Variants in NF1 observed in about 807,000 individuals in gnomAD.
NF1 encodes the protein neurofibromin 1, also known as neurofibromin.
NF1 carries 122 observed loss-of-function variants against 325.7 expected under a neutral mutation model. The observed-to-expected ratio is 0.37, with a 90% confidence interval of 0.32 to 0.44. NF1 has a LOEUF of 0.44. NF1 is among the 20% of genes least tolerant of loss of function. The probability of loss-of-function intolerance (pLI) is 1.00; values close to 1 mark genes in which losing one functional copy is unlikely to be tolerated. For synonymous variants in NF1, 1,091 were observed against 1,186.0 expected (o/e 0.92, Z 1.65); for missense variants, 2,140 against 3,415.4 (o/e 0.63, Z 9.31).
At position 31,229,621 on chromosome 17, in the gene NF1, C is replaced by G. The variant is rs17883181; in HGVS notation, c.2850+156C>G. On this transcript the variant is annotated intron_variant, in intron 21 of 57. Transcript: ENST00000358273. ...AGAGTCATCTCAATGTAGGGGTCAG[C>G]TTGCCTCTTAGGAACTCTGGTGTGT... The G allele has an allele frequency of 3.0e-4, 310 of 1,037,368 alleles. No individual in the cohort carries two copies. In the African/African-American group the frequency reaches 4.0e-3, roughly 13 times the overall value. 64.3% of individuals were successfully genotyped at this position (1,037,368 alleles called of 1,614,324 possible).
At position 31,229,222 on chromosome 17, in the gene NF1, A is replaced by C; in HGVS notation, c.2607A>C (p.Pro869=). 1.2e-6 allele frequency: 2 copies of C among 1,612,182 alleles called. No individual in the cohort carries two copies. Among genetic ancestry groups the C allele is most frequent in the Non-Finnish European group, 1.7e-6 (2 of 1,179,834 alleles). Residue 869 remains proline (P), a synonymous_variant, in exon 21 of 58, where the codon CCA becomes CCC. Transcript: ENST00000358273. Reference sequence around the variant, plus strand: ...CAACCTATAGCCCACCCATGGGTCCAGTCAGTGAACGTAAGGGTTCTATGA... The same window carrying C: ...CAACCTATAGCCCACCCATGGGTCCCGTCAGTGAACGTAAGGGTTCTATGA... ...GLATYSPPMG[P]VSERKGSMIS...
At chr17:31,130,650 A>T (rs1233935089) in intron 1 of NF1, among the ~76,000 whole-genome samples, 8 of 151,864 alleles carry the variant, frequency 5.3e-5, no homozygotes, top group Non-Finnish European at 7.4e-5. Flanking sequence ...GCTGGTGGGG[A>T]TGGCACTGGT....
chr17:31,136,739 A>G (rs1915815003), intron 1 of NF1: 1 of 152,152 alleles, frequency 6.6e-6, no homozygotes, highest in Non-Finnish European at 1.5e-5. Flanking sequence ...TATTGTTATA[A>G]TTGTTCTTTT....
chr17:31,325,117 T>G (rs1035297993), intron 36 of NF1, among the ~76,000 whole-genome samples: 1 of 152,146 alleles, frequency 6.6e-6, no homozygotes, highest in Admixed American at 6.5e-5. Flanking sequence ...AAAATGGTAT[T>G]TATTGGCTTA....
chr17:31,096,026 TC>T (rs1248312098), intron 1 of NF1, among the ~76,000 whole-genome samples: 1 of 151,114 alleles, frequency 6.6e-6, no homozygotes, highest in Non-Finnish European at 1.5e-5. Context: ...TACAACGTCG[TC>T]CCCCATATCC....
intron 13 of NF1, among the ~76,000 whole-genome samples, chr17:31,217,119 C>T (rs1263524885): frequency 6.6e-6 from 1 of 152,022 alleles, no homozygotes; most frequent in Non-Finnish European, 1.5e-5. Flanking sequence ...TTCTCTTTTT[C>T]ATTGTTGTGT....
intron 30 of NF1, chr17:31,251,841 T>C (rs1020905347): frequency 4.7e-6 from 1 of 214,778 alleles, no homozygotes; most frequent in Non-Finnish European, 9.4e-6. Flanking sequence ...AGTAACTCTT[T>C]GGATGGATGA....
intron 39 of NF1, chr17:31,330,858 T>C (rs1007818374): frequency 5.0e-6 from 1 of 198,412 alleles, no homozygotes; most frequent in African/African-American, 2.4e-5. Context: ...TCCTTAATTT[T>C]AGAGAACTAG....
intron 25 of NF1, 133 bp downstream of exon 25, chr17:31,232,322 A>ATCAC: frequency 4.4e-6 from 3 of 677,604 alleles, no homozygotes; most frequent in Non-Finnish European, 7.8e-6. Flanking sequence ...TTTTTTAAAG[A>ATCAC]AAGTAATATG....
At chr17:31,210,627 A>T (rs2066713372) in intron 12 of NF1, among the ~76,000 whole-genome samples, 1 of 152,076 alleles carries the variant, frequency 6.6e-6, no homozygotes, top group Non-Finnish European at 1.5e-5. Context: ...CCTGTTTCTG[A>T]TTTGCTTCTC....
chr17:31,160,327 A>T (rs1203045817), intron 3 of NF1, among the ~76,000 whole-genome samples: 1 of 152,144 alleles, frequency 6.6e-6, no homozygotes, highest in African/African-American at 2.4e-5. Context: ...TCCTCAAGTG[A>T]TCCGCCCATT....
At chr17:31,131,935 G>A (rs181200911) in intron 1 of NF1, among the ~76,000 whole-genome samples, 4 of 150,056 alleles carry the variant, frequency 2.7e-5, no homozygotes, top group South Asian at 2.1e-4. Context: ...TGTGTATTTC[G>A]TTTTTATTTT....
Position 31,375,450 on chromosome 17 carries a change from T to C in NF1, c.*1295T>C, listed in dbSNP as rs2070718441. ...ATGGATTATCATGGCATTGGAATTT[T>C]CATAGTAATGCAGATCCAATTTCTT... On this transcript the variant is annotated 3_prime_UTR_variant, in exon 58 of 58. Transcript: ENST00000358273. 8.6e-6 allele frequency: 2 copies of C among 231,844 alleles called. No individual in the cohort carries two copies. The highest frequency in any genetic ancestry group is 2.2e-5 in the African/African-American group (1 of 45,272). 14.4% of individuals were successfully genotyped at this position (231,844 alleles called of 1,614,324 possible).
chr17:31,291,362 A>G (rs929326997), intron 36 of NF1, among the ~76,000 whole-genome samples: 1 of 152,176 alleles, frequency 6.6e-6, no homozygotes, highest in Non-Finnish European at 1.5e-5. Flanking sequence ...TTGATGCTGC[A>G]TATTTCATGT....
Position 31,318,130 on chromosome 17 carries a change from C to G in NF1, c.4836-7690C>G, listed in dbSNP as rs191395453. 113 of 717,152 alleles carry G rather than the reference C, an allele frequency of 1.6e-4. 3 individuals carry two copies. The Admixed American group carries it at 3.8e-3, about 24-fold the overall frequency. The allele number at this position is 717,152 out of a possible 1,614,324, so 44.4% of individuals were successfully genotyped here. A position where few individuals can be genotyped will look rare whatever the true frequency, so the allele number is the denominator to read the frequency against. On this transcript the variant is annotated intron_variant, in intron 36 of 57. Transcript: ENST00000358273. Reference sequence around the variant, plus strand: ...TATTCAGTGTCAAAACAAAAGTACACAGTTTAAATAATTAAGCAGGCATAC... The same window carrying G: ...TATTCAGTGTCAAAACAAAAGTACAGAGTTTAAATAATTAAGCAGGCATAC...
At chr17:31,142,843 G>A (rs1201525489) in intron 1 of NF1, among the ~76,000 whole-genome samples, 2 of 151,150 alleles carry the variant, frequency 1.3e-5, no homozygotes, top group African/African-American at 4.9e-5. Context: ...CTCCAGCCTG[G>A]GCGATAGAGC....
In NF1 at chr17:31,243,593, C is replaced by T. The variant is rs528769444; in HGVS notation, c.3975-5391C>T. Among the ~76,000 whole-genome samples, 6 of 151,678 alleles carry T rather than the reference C, an allele frequency of 4.0e-5. No individual in the cohort carries two copies. In the South Asian group the frequency reaches 1.0e-3, roughly 26 times the overall value. On this transcript the variant is annotated intron_variant, in intron 29 of 57. Transcript: ENST00000358273. Reference sequence around the variant, plus strand: ...AGGAGTCTTTTCCCATGGCCGCCATCGCCCCAGGCCCATGGTGAGTGCTGC... The same window carrying T: ...AGGAGTCTTTTCCCATGGCCGCCATTGCCCCAGGCCCATGGTGAGTGCTGC...
rs772484540 is a variant in NF1 at position 31,352,432 on chromosome 17, A to T, written c.7615+18A>T. The T allele has an allele frequency of 6.4e-7, 1 of 1,555,146 alleles. No individual in the cohort carries two copies. Among genetic ancestry groups the T allele is most frequent in the Admixed American group, 1.9e-5 (1 of 51,782 alleles). On this transcript the variant is annotated intron_variant, in intron 51 of 57. Transcript: ENST00000358273. Reference sequence around the variant, plus strand: ...GTTGCTTGGTTAGTTTATCTAAATTATGTAGATTTTTTTTATTATTTAAAA... The same window carrying T: ...GTTGCTTGGTTAGTTTATCTAAATTTTGTAGATTTTTTTTATTATTTAAAA...
At position 31,098,134 on chromosome 17, in the gene NF1, A is replaced by G. The variant is rs543458350; in HGVS notation, c.60+2765A>G. ...TATAGTATATATATAAAATAAATTA[A>G]TATATTAATTTATTATATAAGTGAT... On this transcript the variant is annotated intron_variant, in intron 1 of 57. Coordinates refer to ENST00000358273, the MANE Select transcript of NF1 (RefSeq NM_001042492.3). 7.3e-4 allele frequency among the ~76,000 whole-genome samples: 108 copies of G among 148,270 alleles called. 1 individual carries two copies. In the South Asian group the frequency reaches 9.2e-3, roughly 13 times the overall value.
Sources: allele counts gnomAD v4.1 joint callset (sites outside exome capture counted in the v4.1 genomes callset), GRCh38; gene constraint gnomAD v4.1.1; transcripts MANE v1.5; gene names NCBI Gene and HGNC (gene_info 2026-07-23, HGNC 2026-07-21).